Variants in PRKACA observed in about 807,000 individuals in gnomAD.
The protein encoded by PRKACA is cAMP-dependent protein kinase catalytic subunit alpha.
PRKACA carries 9 observed loss-of-function variants against 45.8 expected under a neutral mutation model. The observed-to-expected ratio is 0.20, with a 90% CI of 0.12 to 0.34. The LOEUF (loss-of-function observed/expected upper bound fraction) is 0.34, where lower values mean the gene tolerates loss of function less well. PRKACA is among the 10% of genes least tolerant of loss of function. The pLI, the probability that PRKACA is intolerant of heterozygous loss-of-function variation, is 1.00. For missense variants in PRKACA, 238 were observed against 458.6 expected (o/e 0.52, Z 4.39); for synonymous variants, 160 against 178.6 (o/e 0.90, Z 0.83).
rs8102089 is a variant in PRKACA at position 14,099,405 on chromosome 19, G to C, written c.419+1421C>G. Among the ~76,000 whole-genome samples the C allele has an allele frequency of 7.4e-3, 1,118 of 150,792 alleles. 13 individuals carry two copies. The highest frequency in any genetic ancestry group is 0.025 in the African/African-American group (1,039 of 41,260). On this transcript the variant is annotated intron_variant, in intron 5 of 9. Transcript: ENST00000308677. ...CAGGGTCTGACTGGGTTACAACCCA[G>C]TCTGGACTGCAGCAGCGTGATCACG...
chr19:14,114,211 A>G, intron 1 of PRKACA: 2 of 1,586,868 alleles, frequency 1.3e-6, no homozygotes, highest in Admixed American at 3.6e-5. Context: ...GGCTCATGAG[A>G]CCTGCCGTGT....
chr19:14,105,873 G>A (rs1191313217), intron 3 of PRKACA, among the ~76,000 whole-genome samples: 4 of 152,222 alleles, frequency 2.6e-5, no homozygotes, highest in South Asian at 4.1e-4. Context: ...ATATTTACGG[G>A]AAGAAAGTGC....
Position 14,097,299 on chromosome 19 carries a change from G to A in PRKACA, c.765+62C>T. On this transcript the variant is annotated intron_variant, in intron 8 of 9. Coordinates refer to ENST00000308677, the MANE Select transcript of PRKACA (RefSeq NM_002730.4). This position sits in a 1 kb window ranked among gnomAD's most constrained non-coding sequence, Gnocchi z 5.4. Reference sequence around the variant, plus strand: ...AACAAGCAGGGCTCCCCAGGGAATAGGATGGGTGAGCAGGGAACGGTCTGT... The same window carrying A: ...AACAAGCAGGGCTCCCCAGGGAATAAGATGGGTGAGCAGGGAACGGTCTGT... The A allele has an allele frequency of 6.2e-7, 1 of 1,608,474 alleles. No homozygotes were observed. The highest frequency in any genetic ancestry group is 8.5e-7 in the Non-Finnish European group (1 of 1,175,610).
chr19:14,107,577 C>T lies in PRKACA; in HGVS notation c.47-168G>A, dbSNP rs911199653. 47 of 1,312,538 alleles carry T rather than the reference C, an allele frequency of 3.6e-5. 1 individual carries two copies. Among genetic ancestry groups the T allele is most frequent in the African/African-American group, 6.0e-5 (4 of 67,204 alleles). The allele number at this position is 1,312,538 out of a possible 1,614,324, so 81.3% of individuals were successfully genotyped here. A position where few individuals can be genotyped will look rare whatever the true frequency, so the allele number is the denominator to read the frequency against. On this transcript the variant is annotated intron_variant, in intron 1 of 9. Coordinates refer to ENST00000308677, the MANE Select transcript of PRKACA (RefSeq NM_002730.4). ...TGGCTGGGCCGTGGCCTGGGCCTCC[C>T]TTGCTACAGAGAGGTGGGATCCAGC...
At chr19:14,100,001 C>T (rs1019682102) in intron 5 of PRKACA, among the ~76,000 whole-genome samples, 2 of 152,064 alleles carry the variant, frequency 1.3e-5, no homozygotes, top group Non-Finnish European at 2.9e-5. Flanking sequence ...CCATCACACC[C>T]GGCTAATTTT....
chr19:14,104,992 T>C (rs1977560806), intron 3 of PRKACA, among the ~76,000 whole-genome samples: 2 of 152,324 alleles, frequency 1.3e-5, no homozygotes, highest in Non-Finnish European at 2.9e-5. Context: ...TTCCCTGCTT[T>C]TTCTTATCTT....
At chr19:14,102,760 C>T in intron 4 of PRKACA, 56 bp downstream of exon 4, 1 of 1,468,138 alleles carries the variant, frequency 6.8e-7, no homozygotes, top group South Asian at 1.1e-5. Flanking sequence ...GCCCTGGGGG[C>T]CAGAAGGCTG....
Position 14,097,500 on chromosome 19 carries a change from G to T in PRKACA, c.643-17C>A. 1 of 1,614,064 alleles carries T rather than the reference G, an allele frequency of 6.2e-7. No individual in the cohort carries two copies. The highest frequency in any genetic ancestry group is 1.1e-5 in the South Asian group (1 of 91,078). On this transcript the variant is annotated splice_polypyrimidine_tract_variant and intron_variant, in intron 7 of 9. Transcript: ENST00000308677. The surrounding 1 kb of genome is among the most constrained non-coding windows in gnomAD (Gnocchi z 5.4). ...GTTGTAGCCCTGGAGCAAGATGGGG[G>T]GGCACAGGGTGAGGAGGAGGCGAGA... is the stretch of plus-strand genomic sequence containing the variant.
Position 14,101,050 on chromosome 19 carries a change from G to A in PRKACA, c.337-142C>T, listed in dbSNP as rs531271540. 9 of 706,320 alleles carry A rather than the reference G, an allele frequency of 1.3e-5. No individual in the cohort carries two copies. In the South Asian group the frequency reaches 1.5e-4, roughly 11 times the overall value. The allele number at this position is 706,320 out of a possible 1,614,324, so 43.8% of individuals were successfully genotyped here. On this transcript the variant is annotated intron_variant, in intron 4 of 9. Coordinates refer to ENST00000308677, the MANE Select transcript of PRKACA (RefSeq NM_002730.4). The stretch of plus-strand genomic sequence containing the variant: ...CCCTGTAGGAATCATGTTCTACAGG[G>A]GCGACCCTTATCCTGCTGTTAATGG...
At chr19:14,112,860 A>G (rs1422704238) in intron 1 of PRKACA, among the ~76,000 whole-genome samples, 1 of 152,186 alleles carries the variant, frequency 6.6e-6, no homozygotes, top group Non-Finnish European at 1.5e-5. Context: ...CAGAGGGGAA[A>G]GAGTTAAGGT....
chr19:14,111,464 T>A (rs930973441), intron 1 of PRKACA, among the ~76,000 whole-genome samples: 2 of 150,934 alleles, frequency 1.3e-5, no homozygotes, highest in Non-Finnish European at 2.9e-5. Flanking sequence ...GGCCCCACAA[T>A]AAATGACCAG....
chr19:14,107,228 TG>T, intron 2 of PRKACA, 119 bp downstream of exon 2: 1 of 1,097,996 alleles, frequency 9.1e-7, no homozygotes, highest in Non-Finnish European at 1.3e-6. Flanking sequence ...AGGGAGCAAA[TG>T]GGGAGGGTCT....
intron 1 of PRKACA, among the ~76,000 whole-genome samples, chr19:14,113,456 A>G (rs1315897576): frequency 6.6e-6 from 1 of 152,150 alleles, no homozygotes; most frequent in Non-Finnish European, 1.5e-5. Context: ...TCATAGGGAA[A>G]ACTCCTTGAC....
intron 1 of PRKACA, among the ~76,000 whole-genome samples, chr19:14,113,408 G>A (rs1177523047): frequency 6.6e-6 from 1 of 152,156 alleles, no homozygotes; most frequent in Non-Finnish European, 1.5e-5. Context: ...CCACACGGGG[G>A]GTGCCAGCTC....
In PRKACA at chr19:14,097,307, G is replaced by T; in HGVS notation, c.765+54C>A. 1 of 1,611,854 alleles carries T rather than the reference G, an allele frequency of 6.2e-7. No individual in the cohort carries two copies. Among genetic ancestry groups the T allele is most frequent in the South Asian group, 1.1e-5 (1 of 90,924 alleles). ...GGGCTCCCCAGGGAATAGGATGGGT[G>T]AGCAGGGAACGGTCTGTTTCTTCCA... On this transcript the variant is annotated intron_variant, in intron 8 of 9. Transcript: ENST00000308677. This position sits in a 1 kb window ranked among gnomAD's most constrained non-coding sequence, Gnocchi z 5.4.
intron 1 of PRKACA, chr19:14,107,759 G>A (rs951467497): frequency 9.6e-7 from 1 of 1,043,238 alleles, no homozygotes. Flanking sequence ...TTATAGCCTT[G>A]GGATTTGGCT....
intron 1 of PRKACA, among the ~76,000 whole-genome samples, chr19:14,110,291 C>A (rs1463252256): frequency 6.6e-6 from 1 of 151,754 alleles, no homozygotes; most frequent in Non-Finnish European, 1.5e-5. Context: ...TACACTCCAG[C>A]CTGAGCAAGA....
At position 14,097,560 on chromosome 19, in the gene PRKACA, G is replaced by A. The variant is rs754235830; in HGVS notation, c.642+19C>T. The stretch of plus-strand genomic sequence containing the variant: ...CAGAGCCGGCCTCAGGGGAAGGGGA[G>A]GGCTGGGGAGGCTCCTACTTTGCTC... On this transcript the variant is annotated intron_variant, in intron 7 of 9. Transcript: ENST00000308677. This position sits in a 1 kb window ranked among gnomAD's most constrained non-coding sequence, Gnocchi z 5.4. 18 of 1,613,214 alleles carry A rather than the reference G, an allele frequency of 1.1e-5. No homozygotes were observed. Among genetic ancestry groups the A allele is most frequent in the Non-Finnish European group, 1.4e-5 (16 of 1,179,564 alleles).
chr19:14,102,288 G>C (rs1977466905), intron 4 of PRKACA, among the ~76,000 whole-genome samples: 1 of 152,148 alleles, frequency 6.6e-6, no homozygotes, highest in Admixed American at 6.6e-5. Flanking sequence ...AGCTGGCCCT[G>C]AGTGGCCTTT....
Sources: allele counts gnomAD v4.1 joint callset (sites outside exome capture counted in the v4.1 genomes callset), GRCh38; gene constraint gnomAD v4.1.1; non-coding constraint Gnocchi (gnomAD v3.1); transcripts MANE v1.5; gene names NCBI Gene and HGNC (gene_info 2026-07-23, HGNC 2026-07-21).